SCARF2: variants seen among roughly 807,000 people sequenced by gnomAD.
SCARF2 encodes scavenger receptor expressed by endothelial cells 2 protein.
A neutral mutation model predicts 73.4 loss-of-function variants in SCARF2; 39 were observed. The observed-to-expected ratio is 0.53, with a 90% CI of 0.41 to 0.69. SCARF2 has a LOEUF of 0.69. Ranked by LOEUF, SCARF2 falls within the 30% of genes least tolerant of loss-of-function variation. SCARF2 has a pLI of 0.00. For missense variants in SCARF2, 1,148 were observed against 1,303.5 expected (o/e 0.88, Z 1.84); for synonymous variants, 605 against 590.0 (o/e 1.03, Z -0.37).
At chr22:20,427,975 C>A (rs1370134411) in intron 9 of SCARF2, among the ~76,000 whole-genome samples, 2 of 152,202 alleles carry the variant, frequency 1.3e-5, no homozygotes. Flanking sequence ...AGTGGCAGGG[C>A]TGCCCTTTGG....
Position 20,425,510 on chromosome 22 carries a change from C to G in SCARF2, c.2466G>C (p.Pro822=). 1 of 1,355,282 alleles carries G rather than the reference C, an allele frequency of 7.4e-7. No homozygotes were observed. The highest frequency in any genetic ancestry group is 9.5e-7 in the Non-Finnish European group (1 of 1,055,578). 84.0% of individuals were successfully genotyped at this position (1,355,282 alleles called of 1,614,324 possible). A position where few individuals can be genotyped will look rare whatever the true frequency, so the allele number is the denominator to read the frequency against. ...AGTCGGTCGCCGCCTTCTCAGGCCC[C>G]GGGGTTTCGGTCGCTGGGGGCGCGC... ...PARAPPATET[P]GPEKAATDLP... Residue 822 remains proline, a synonymous_variant, in exon 11 of 11, where the codon CCG becomes CCC. Transcript: ENST00000622235. This position sits in a 1 kb window ranked among gnomAD's most constrained non-coding sequence, Gnocchi z 4.6.
rs759610 is a variant in SCARF2, at chr22:20,425,804, G to T, written c.2172C>A (p.Pro724=). ...GGGCTGTCGCCTCCTCGGGCAGCCC[G>T]GGGGGCCGCGGCGTTGGGTCGCGGG... The part of the protein sequence containing the change: ...PRTRDPTPRP[P]GLPEEATALA... Residue 724 remains proline, a synonymous_variant, in exon 11 of 11, where the codon CCC becomes CCA. Coordinates refer to ENST00000622235, the MANE Select transcript of SCARF2 (RefSeq NM_182895.5). The surrounding 1 kb of genome is among the most constrained non-coding windows in gnomAD (Gnocchi z 4.6). The T allele has an allele frequency of 6.6e-7, 1 of 1,510,372 alleles. No homozygotes were observed. Among genetic ancestry groups the T allele is most frequent in the Non-Finnish European group, 8.8e-7 (1 of 1,135,534 alleles). 93.6% of individuals were successfully genotyped at this position (1,510,372 alleles called of 1,614,324 possible). A position where few individuals can be genotyped will look rare whatever the true frequency, so the allele number is the denominator to read the frequency against.
rs1435015930 is a variant in SCARF2, at chr22:20,431,281, G to A, written c.591C>T (p.Thr197=). The A allele has an allele frequency of 6.5e-7, 1 of 1,529,828 alleles. No individual in the cohort carries two copies. The highest frequency in any genetic ancestry group is 1.2e-5 in the South Asian group (1 of 83,452). 94.8% of individuals were successfully genotyped at this position (1,529,828 alleles called of 1,614,324 possible). Reference sequence around the variant, plus strand: ...AGCCTGCGTGGCACAGGCAGGCGCCGGTCTGTGGGTCGCAGCGCGACGTGG... The same window carrying A: ...AGCCTGCGTGGCACAGGCAGGCGCCAGTCTGTGGGTCGCAGCGCGACGTGG... ...CSATSRCDPQ[T]GACLCHAGWW... is the part of the protein sequence containing the mutation. The change falls in exon 4 of 11, where the codon ACC becomes ACT. Residue 197 remains threonine, a synonymous_variant. Transcript: ENST00000622235.
intron 1 of SCARF2, among the ~76,000 whole-genome samples, chr22:20,435,350 C>T (rs1329384090): frequency 6.6e-6 from 1 of 152,226 alleles, no homozygotes; most frequent in African/African-American, 2.4e-5. Flanking sequence ...CCTCCATCTC[C>T]CTGGCTTTTT....
chr22:20,437,764 G>A lies in SCARF2; in HGVS notation c.-10C>T. 1 of 992,750 alleles carries A rather than the reference G, an allele frequency of 1.0e-6. No individual in the cohort carries two copies. The highest frequency in any genetic ancestry group is 4.5e-5 in the South Asian group (1 of 22,112). The allele number at this position is 992,750 out of a possible 1,614,324, so 61.5% of individuals were successfully genotyped here. ...GCCCTGCGCCCTCCATGAGGCGCGG[G>A]GCAGGCGCGGGGCGGGCACGGGCGC... On this transcript the variant is annotated 5_prime_UTR_variant, in exon 1 of 11. Transcript: ENST00000622235.
chr22:20,429,846 A>G lies in SCARF2; in HGVS notation c.1203-13T>C. On this transcript the variant is annotated splice_polypyrimidine_tract_variant and intron_variant, in intron 6 of 10. Transcript: ENST00000622235. The surrounding 1 kb of genome is among the most constrained non-coding windows in gnomAD (Gnocchi z 5.2). The stretch of plus-strand genomic sequence containing the variant: ...CGTCACGTTACAGCTGCCGGGACAT[A>G]GGGTCAAGGCATGCCACAGCCGCCC... The G allele has an allele frequency of 6.2e-7, 1 of 1,611,472 alleles. No homozygotes were observed. Among genetic ancestry groups the G allele is most frequent in the Non-Finnish European group, 8.5e-7 (1 of 1,179,254 alleles).
intron 1 of SCARF2, among the ~76,000 whole-genome samples, chr22:20,432,434 A>T (rs1211802070): frequency 6.6e-6 from 1 of 152,122 alleles, no homozygotes; most frequent in African/African-American, 2.4e-5. Flanking sequence ...TGAGGACGGC[A>T]CTAGGACTAG....
rs1419340920 is a variant in SCARF2, at chr22:20,429,201, G to T, written c.1540+24C>A. On this transcript the variant is annotated intron_variant, in intron 9 of 10. Transcript: ENST00000622235. This position sits in a 1 kb window ranked among gnomAD's most constrained non-coding sequence, Gnocchi z 5.2. Reference sequence around the variant, plus strand: ...CCTGCGTCGAGAGGTGTTTCTCCCAGATACCCCGCGCTGTCATCCTTACCT... The same window carrying T: ...CCTGCGTCGAGAGGTGTTTCTCCCATATACCCCGCGCTGTCATCCTTACCT... The T allele has an allele frequency of 6.2e-7, 1 of 1,613,782 alleles. No individual in the cohort carries two copies. The highest frequency in any genetic ancestry group is 1.3e-5 in the African/African-American group (1 of 74,906).
chr22:20,429,616 C>G lies in SCARF2; in HGVS notation c.1344G>C (p.Ala448=), dbSNP rs779775537. Reference sequence around the variant, plus strand: ...GCAGGCAGACGAGCAGGACGAGCAGCGCGCCCGCGCCCATCACGCCCTTGC... The same window carrying G: ...GCAGGCAGACGAGCAGGACGAGCAGGGCGCCCGCGCCCATCACGCCCTTGC... The part of the protein sequence containing the change: ...NQRKGVMGAG[A]LLVLLVCLLL... Residue 448 remains alanine (A), a synonymous_variant, in exon 8 of 11, where the codon GCG becomes GCC. Transcript: ENST00000622235. The surrounding 1 kb of genome is among the most constrained non-coding windows in gnomAD (Gnocchi z 5.2). The G allele has an allele frequency of 4.3e-6, 7 of 1,613,628 alleles. No individual in the cohort carries two copies. The African/African-American group carries it at 9.3e-5, about 22-fold the overall frequency.
In SCARF2 at chr22:20,425,469, G is replaced by C. The variant is rs757684367; in HGVS notation, c.2507C>G (p.Thr836Ser). The change falls in exon 11 of 11, where the codon ACC (threonine) becomes AGC (serine). Residue 836 changes from threonine to serine, a missense_variant. Thr to Ser is a moderately conservative substitution (Grantham distance 58). Coordinates refer to ENST00000622235, the MANE Select transcript of SCARF2 (RefSeq NM_182895.5). This position sits in a 1 kb window ranked among gnomAD's most constrained non-coding sequence, Gnocchi z 4.6. ...KAATDLPAPE[T>S]PRKKTPIQKP... ...CTGGATGGGGGTCTTCTTCCGGGGG[G>C]TCTCAGGCGCGGGCAAGTCGGTCGC... The C allele has an allele frequency of 1.7e-5, 24 of 1,400,424 alleles. No homozygotes were observed. In the African/African-American group the frequency reaches 3.6e-4, roughly 21 times the overall value. 86.7% of individuals were successfully genotyped at this position (1,400,424 alleles called of 1,614,324 possible). A position where few individuals can be genotyped will look rare whatever the true frequency, so the allele number is the denominator to read the frequency against.
chr22:20,425,998 CG>C lies in SCARF2; in HGVS notation c.1977del (p.Ala660ProfsTer279). 6.3e-7 allele frequency: 1 copy of C among 1,584,618 alleles called. No individual in the cohort carries two copies. Among genetic ancestry groups the C allele is most frequent in the Non-Finnish European group, 8.5e-7 (1 of 1,171,870 alleles). ...PERRKPPPPD[P>X]ATKPKVSWIH... is the part of the protein sequence containing the mutation. ...ATCCAGGACACCTTAGGCTTGGTGG[CG>C]GGGTCAGGTGGCGGCGGTTTCCTGC... is the stretch of plus-strand genomic sequence containing the variant. On this transcript the variant is annotated frameshift_variant, in exon 11 of 11. Transcript: ENST00000622235. LOFTEE classifies it low-confidence loss of function (END_TRUNC). This position sits in a 1 kb window ranked among gnomAD's most constrained non-coding sequence, Gnocchi z 4.6.
rs1341092929 is a variant in SCARF2 at position 20,435,560 on chromosome 22, G to A, written c.173+2022C>T. 7.2e-5 allele frequency among the ~76,000 whole-genome samples: 11 copies of A among 152,220 alleles called. No homozygotes were observed. The East Asian group carries it at 1.4e-3, about 19-fold the overall frequency. ...ACCCTCACTCTCTGGCAGCTCCTCC[G>A]CCAGCCCCTCCTGGACTCTGCCCAG... On this transcript the variant is annotated intron_variant, in intron 1 of 10. Transcript: ENST00000622235.
At chr22:20,426,959 G>A (rs972782075) in intron 10 of SCARF2, among the ~76,000 whole-genome samples, 1 of 151,824 alleles carries the variant, frequency 6.6e-6, no homozygotes, top group African/African-American at 2.4e-5. Context: ...GGCTTCTGAG[G>A]CTCTGAGTTG....
intron 1 of SCARF2, among the ~76,000 whole-genome samples, chr22:20,436,654 G>A (rs1370536340): frequency 6.6e-6 from 1 of 152,124 alleles, no homozygotes; most frequent in South Asian, 2.1e-4. Flanking sequence ...CTCGGAGCCC[G>A]GCGGCCGCCT....
chr22:20,436,443 G>T (rs1172523892), intron 1 of SCARF2, among the ~76,000 whole-genome samples: 1 of 152,064 alleles, frequency 6.6e-6, no homozygotes, highest in Non-Finnish European at 1.5e-5. Flanking sequence ...GTCCGCGGCG[G>T]CGGCATCGAT....
chr22:20,425,099 C>T lies in SCARF2; in HGVS notation c.*276G>A. 1 of 377,628 alleles carries T rather than the reference C, an allele frequency of 2.6e-6. No individual in the cohort carries two copies. The allele number at this position is 377,628 out of a possible 1,614,324, so 23.4% of individuals were successfully genotyped here. A position where few individuals can be genotyped will look rare whatever the true frequency, so the allele number is the denominator to read the frequency against. ...CCTCCCATCTTTGGCCAATGAGACG[C>T]TGTCTGGTCGGAGCGCTCCATAACT... On this transcript the variant is annotated 3_prime_UTR_variant, in exon 11 of 11. Transcript: ENST00000622235. This position sits in a 1 kb window ranked among gnomAD's most constrained non-coding sequence, Gnocchi z 4.6.
At chr22:20,432,238 C>T (rs1487213031) in intron 1 of SCARF2, among the ~76,000 whole-genome samples, 2 of 152,168 alleles carry the variant, frequency 1.3e-5, no homozygotes, top group South Asian at 2.1e-4. Flanking sequence ...GTGTCCTCCT[C>T]CCACAGCCAT....
chr22:20,437,464 G>T lies in SCARF2; in HGVS notation c.173+118C>A, dbSNP rs34325141. ...ACGGAGCCGCGCTGGCTAGGGAGCC[G>T]AAGGGGCCCACACTTGGCGTAGGAA... On this transcript the variant is annotated intron_variant, in intron 1 of 10. Coordinates refer to ENST00000622235, the MANE Select transcript of SCARF2 (RefSeq NM_182895.5). 394 of 1,119,570 alleles carry T rather than the reference G, an allele frequency of 3.5e-4. 1 individual carries two copies. Among genetic ancestry groups the T allele is most frequent in the Non-Finnish European group, 4.6e-4 (377 of 811,826 alleles). 69.4% of individuals were successfully genotyped at this position (1,119,570 alleles called of 1,614,324 possible).
At chr22:20,430,937 G>T in intron 4 of SCARF2, 29 bp from the exon 5 acceptor site, 1 of 1,561,748 alleles carries the variant, frequency 6.4e-7, no homozygotes, top group Non-Finnish European at 8.6e-7. Flanking sequence ...GCTAGGGAAG[G>T]CTGGGACCCG....
Sources: gnomAD v4.1 joint callset for allele counts (sites outside exome capture counted in the v4.1 genomes callset) on GRCh38, gnomAD v4.1.1 for gene constraint, Gnocchi (gnomAD v3.1) non-coding constraint, MANE v1.5 for transcripts, NCBI Gene and HGNC (gene_info 2026-07-23, HGNC 2026-07-21) for gene names.